The following ADGRV1 variants were observed in gnomAD, a reference collection of about 807,000 sequenced individuals.
The protein encoded by ADGRV1 is G-protein coupled receptor 98.
In ADGRV1, 359 loss-of-function variants were observed where a neutral mutation model predicts 596.2. The ratio of observed to expected loss-of-function variants is 0.60; its 90% CI spans 0.55 to 0.66. ADGRV1 has a LOEUF of 0.66. Ranked by LOEUF, ADGRV1 falls within the 30% of genes least tolerant of loss-of-function variation. The pLI is 0.00. For synonymous variants in ADGRV1, 2,681 were observed against 2,679.2 expected (o/e 1.00, Z -0.02); for missense variants, 7,274 against 7,575.6 (o/e 0.96, Z 1.48).
At chr5:90,995,725 G>T (rs2151088357) in intron 85 of ADGRV1, among the ~76,000 whole-genome samples, 1 of 152,258 alleles carries the variant, frequency 6.6e-6, no homozygotes, top group African/African-American at 2.4e-5. Flanking sequence ...TTAAATTATT[G>T]TGACCAAAGT....
chr5:90,714,104 C>T (rs1411641701), intron 42 of ADGRV1, among the ~76,000 whole-genome samples: 2 of 152,252 alleles, frequency 1.3e-5, no homozygotes, highest in African/African-American at 2.4e-5. Context: ...TTGTTAGTTA[C>T]ATTTCAATGT....
intron 1 of ADGRV1, among the ~76,000 whole-genome samples, chr5:90,596,438 C>T (rs1479330183): frequency 7.2e-5 from 11 of 151,790 alleles, no homozygotes; most frequent in South Asian, 2.1e-4. Context: ...CCAAGGCAGG[C>T]GGCTGGGAGG....
intron 11 of ADGRV1, among the ~76,000 whole-genome samples, chr5:90,638,915 G>C (rs1052898502): frequency 1.3e-5 from 2 of 152,072 alleles, no homozygotes; most frequent in African/African-American, 4.8e-5. Context: ...TGAAAGAAAA[G>C]TATAGAATGT....
At chr5:91,142,757 C>A (rs186269595) in intron 87 of ADGRV1, among the ~76,000 whole-genome samples, 2 of 152,184 alleles carry the variant, frequency 1.3e-5, no homozygotes, top group Non-Finnish European at 2.9e-5. Context: ...TAGACTATTA[C>A]GATTTCATTT....
chr5:90,568,902 T>C (rs1252505228), intron 1 of ADGRV1, among the ~76,000 whole-genome samples: 1 of 152,218 alleles, frequency 6.6e-6, no homozygotes, highest in African/African-American at 2.4e-5. Context: ...TGTCCTAATG[T>C]CTATTTTGTC....
At chr5:91,043,117 G>A (rs1209111673) in intron 85 of ADGRV1, among the ~76,000 whole-genome samples, 1 of 152,162 alleles carries the variant, frequency 6.6e-6, no homozygotes, top group Non-Finnish European at 1.5e-5. Flanking sequence ...CTTATGAGAA[G>A]AGGCACCAAC....
chr5:90,686,812 C>A (rs1745719889), intron 29 of ADGRV1, among the ~76,000 whole-genome samples: 1 of 152,094 alleles, frequency 6.6e-6, no homozygotes, highest in African/African-American at 2.4e-5. Context: ...AATGGTTGAA[C>A]TAGTTTACAG....
Position 90,777,990 on chromosome 5 carries a change from T to A in ADGRV1, c.12613T>A (p.Ser4205Thr). 6.2e-7 allele frequency: 1 copy of A among 1,604,464 alleles called. No homozygotes were observed. Among genetic ancestry groups the A allele is most frequent in the Non-Finnish European group, 8.5e-7 (1 of 1,174,924 alleles). Residue 4205 changes from serine to threonine, a missense_variant, in exon 62 of 90, where the codon TCA becomes ACA. By Grantham distance (58) the Ser-to-Thr change is moderately conservative. This residue lies in a region of ADGRV1 where 3,643 missense variants were observed against 3,809.2 expected (regional missense o/e 0.96). Transcript: ENST00000405460. ...TTCCGTGGGGGAATTTGCTGAAACA[T>A]CAGGAAAACTGACAATGCGAGACGA... ...PPSVGEFAET[S>T]GKLTMRDEQS...
chr5:91,147,043 T>C (rs988353964), intron 87 of ADGRV1, among the ~76,000 whole-genome samples: 2 of 152,088 alleles, frequency 1.3e-5, no homozygotes, highest in African/African-American at 4.8e-5. Flanking sequence ...GAAACACGCC[T>C]GTGGTACCAG....
intron 82 of ADGRV1, among the ~76,000 whole-genome samples, chr5:90,861,961 G>A (rs1452777911): frequency 1.3e-5 from 2 of 152,070 alleles, no homozygotes; most frequent in Non-Finnish European, 2.9e-5. Context: ...AGATAACTAT[G>A]ATGCGTTATA....
chr5:90,881,060 G>A (rs1268216532), intron 83 of ADGRV1, among the ~76,000 whole-genome samples: 1 of 152,154 alleles, frequency 6.6e-6, no homozygotes, highest in Non-Finnish European at 1.5e-5. Context: ...CCTGGATAAT[G>A]TTTTGGAGTA....
Position 90,802,819 on chromosome 5 carries a change from A to T in ADGRV1, c.14598A>T (p.Pro4866=). ...TCGGTGGACGTTTCTATGGAATGCC[A>T]ACAATTCTTCAGGAAGCAAAATCTG... ...MLVGGRFYGM[P]TILQEAKSAV... Residue 4866 remains proline, a synonymous_variant, in exon 71 of 90, where the codon CCA becomes CCT. Transcript: ENST00000405460. 1 of 1,612,476 alleles carries T rather than the reference A, an allele frequency of 6.2e-7. No individual in the cohort carries two copies. Among genetic ancestry groups the T allele is most frequent in the Non-Finnish European group, 8.5e-7 (1 of 1,179,306 alleles).
At chr5:91,030,051 C>T (rs1784346991) in intron 85 of ADGRV1, among the ~76,000 whole-genome samples, 1 of 152,038 alleles carries the variant, frequency 6.6e-6, no homozygotes, top group Non-Finnish European at 1.5e-5. Context: ...TATCTTTCCC[C>T]ATTTACTTGT....
At chr5:90,842,063 A>G (rs566907660) in intron 78 of ADGRV1, among the ~76,000 whole-genome samples, 1 of 152,348 alleles carries the variant, frequency 6.6e-6, no homozygotes, top group East Asian at 1.9e-4. Flanking sequence ...CCAGGGAAAG[A>G]GAAAGAATGT....
At chr5:90,982,458 A>C (rs950085746) in intron 84 of ADGRV1, among the ~76,000 whole-genome samples, 7 of 152,352 alleles carry the variant, frequency 4.6e-5, no homozygotes, top group Non-Finnish European at 8.8e-5. Context: ...GCAATACATT[A>C]ATACATCTCA....
intron 25 of ADGRV1, among the ~76,000 whole-genome samples, chr5:90,678,711 A>G (rs796151713): frequency 4.0e-4 from 60 of 150,396 alleles, no homozygotes; most frequent in African/African-American, 1.2e-3. Context: ...CTTTTACAAG[A>G]AACCCATTCT....
chr5:90,916,311 A>G (rs1773346671), intron 83 of ADGRV1, among the ~76,000 whole-genome samples: 1 of 152,194 alleles, frequency 6.6e-6, no homozygotes, highest in South Asian at 2.1e-4. Context: ...CTGACTTAAC[A>G]TTTAAATATA....
chr5:90,670,002 A>G (rs182390111), intron 21 of ADGRV1, among the ~76,000 whole-genome samples: 124 of 152,322 alleles, frequency 8.1e-4, no homozygotes, highest in African/African-American at 2.9e-3. Context: ...GTATAATTAT[A>G]TATTTATCCA....
chr5:91,015,387 C>T (rs772050863), intron 85 of ADGRV1, among the ~76,000 whole-genome samples: 3 of 152,012 alleles, frequency 2.0e-5, no homozygotes, highest in Non-Finnish European at 4.4e-5. Context: ...CTGTAGAGGT[C>T]TAGCAAATCC....
Sources: allele counts gnomAD v4.1 joint callset (sites outside exome capture counted in the v4.1 genomes callset), GRCh38; gene constraint gnomAD v4.1.1; regional missense constraint gnomAD v4.1.1; transcripts MANE v1.5; gene names NCBI Gene and HGNC (gene_info 2026-07-23, HGNC 2026-07-21).